STXBP5: variants seen among roughly 807,000 people sequenced by gnomAD.
STXBP5 encodes syntaxin-binding protein 5.
Under a neutral mutation model 152.4 loss-of-function variants are expected in STXBP5, and 50 were observed. The observed-to-expected ratio is 0.33, with a 90% CI of 0.26 to 0.42. The LOEUF is 0.42. STXBP5 is among the 10% of genes least tolerant of loss of function. The pLI is 1.00. For synonymous variants in STXBP5, 492 were observed against 494.7 expected (o/e 0.99, Z 0.07); for missense variants, 1,167 against 1,388.6 (o/e 0.84, Z 2.54).
intron 2 of STXBP5, among the ~76,000 whole-genome samples, chr6:147,211,253 G>T (rs1776834394): frequency 1.3e-5 from 2 of 149,870 alleles, no homozygotes; most frequent in Admixed American, 1.3e-4. Flanking sequence ...AGGTTGCAGT[G>T]AGCCAAGATT....
Position 147,313,896 on chromosome 6 carries a change from T to G in STXBP5, c.1158T>G (p.Phe386Leu). ...TCTGTTGTTAAAGATATCCTATATT[T>G]GAAAATCCCTACCCTTTGAGTATAC... ...IDLAQNGYPI[F>L]ENPYPLSIHE... The change falls in exon 12 of 28, where the codon TTT becomes TTG. Residue 386 changes from phenylalanine (F) to leucine (L), a missense_variant. By Grantham distance (22) the Phe-to-Leu change is conservative. Transcript: ENST00000321680. 1 of 1,544,058 alleles carries G rather than the reference T, an allele frequency of 6.5e-7. No individual in the cohort carries two copies. The highest frequency in any genetic ancestry group is 8.8e-7 in the Non-Finnish European group (1 of 1,132,594).
chr6:147,247,932 A>T (rs999459474), intron 4 of STXBP5, among the ~76,000 whole-genome samples: 3 of 152,200 alleles, frequency 2.0e-5, no homozygotes, highest in Non-Finnish European at 4.4e-5. Flanking sequence ...AAGACATTAA[A>T]AGATTATATG....
intron 1 of STXBP5, among the ~76,000 whole-genome samples, chr6:147,205,058 G>GACATT (rs1776470903): frequency 6.6e-6 from 1 of 152,118 alleles, no homozygotes; most frequent in Non-Finnish European, 1.5e-5. Context: ...GGTGTCTAAT[G>GACATT]AATGTTGTTT....
intron 15 of STXBP5, among the ~76,000 whole-genome samples, chr6:147,315,976 A>G (rs1011409488): frequency 2.2e-4 from 33 of 152,332 alleles, no homozygotes; most frequent in African/African-American, 7.2e-4. Flanking sequence ...GAATATGAGT[A>G]TACTCTAATT....
chr6:147,226,238 G>T (rs1488191545), intron 2 of STXBP5, among the ~76,000 whole-genome samples: 1 of 151,884 alleles, frequency 6.6e-6, no homozygotes, highest in Non-Finnish European at 1.5e-5. Flanking sequence ...AGAAGGTTGA[G>T]GCTGCAGTGA....
At chr6:147,348,647 C>G (rs894810259) in intron 21 of STXBP5, among the ~76,000 whole-genome samples, 6 of 152,084 alleles carry the variant, frequency 3.9e-5, no homozygotes, top group Non-Finnish European at 7.4e-5. Flanking sequence ...TTCAGAGCTC[C>G]TTGGAGTTGG....
intron 2 of STXBP5, among the ~76,000 whole-genome samples, chr6:147,208,914 A>T (rs1299410899): frequency 1.3e-5 from 2 of 152,132 alleles, no homozygotes; most frequent in Non-Finnish European, 2.9e-5. Context: ...AATTAAATGT[A>T]TTTACTACAT....
intron 9 of STXBP5, among the ~76,000 whole-genome samples, chr6:147,309,368 C>G (rs534275485): frequency 6.6e-6 from 1 of 151,796 alleles, no homozygotes; most frequent in East Asian, 1.9e-4. Flanking sequence ...AAGTCAAATG[C>G]GTGGAAATAT....
intron 4 of STXBP5, among the ~76,000 whole-genome samples, chr6:147,252,441 A>G (rs1293572758): frequency 6.6e-6 from 1 of 152,012 alleles, no homozygotes; most frequent in East Asian, 1.9e-4. Flanking sequence ...ATACACAAGT[A>G]TCAGTAGCCA....
At chr6:147,349,044 TAACTC>T (rs540055931) in intron 21 of STXBP5, among the ~76,000 whole-genome samples, 104 of 152,118 alleles carry the variant, frequency 6.8e-4, no homozygotes, top group African/African-American at 2.1e-3. Context: ...TAATTCAAAA[TAACTC>T]AAAGATAAAA....
rs1164939813 is a variant in STXBP5, at chr6:147,388,272, G to C, written c.*3517G>C. The C allele has an allele frequency of 6.6e-6, 1 of 151,602 alleles. No individual in the cohort carries two copies. Among genetic ancestry groups the C allele is most frequent in the Non-Finnish European group, 1.5e-5 (1 of 67,696 alleles). 9.4% of individuals were successfully genotyped at this position (151,602 alleles called of 1,614,324 possible). A position where few individuals can be genotyped will look rare whatever the true frequency, so the allele number is the denominator to read the frequency against. On this transcript the variant is annotated 3_prime_UTR_variant, in exon 28 of 28. Transcript: ENST00000321680. ...CTGCTAGCTGTACCTTAAATAAACT[G>C]ATCAGTTTTAAAACCTTTAATAGGG...
intron 18 of STXBP5, among the ~76,000 whole-genome samples, chr6:147,333,005 A>G (rs551188085): frequency 6.6e-6 from 1 of 152,186 alleles, no homozygotes; most frequent in South Asian, 2.1e-4. Context: ...TAAAATTTCA[A>G]ATTTTACCAT....
chr6:147,341,905 A>T (rs1252965135), intron 21 of STXBP5, among the ~76,000 whole-genome samples: 1 of 152,160 alleles, frequency 6.6e-6, no homozygotes, highest in African/African-American at 2.4e-5. Context: ...TCCACACAAT[A>T]ATCCCAGCGG....
intron 8 of STXBP5, among the ~76,000 whole-genome samples, chr6:147,281,789 T>C (rs1780715037): frequency 6.6e-6 from 1 of 152,216 alleles, no homozygotes. Flanking sequence ...CCTTGAAGAA[T>C]CTGTTCAGAA....
chr6:147,223,426 A>C (rs1777556988), intron 2 of STXBP5, among the ~76,000 whole-genome samples: 1 of 152,212 alleles, frequency 6.6e-6, no homozygotes, highest in Non-Finnish European at 1.5e-5. Context: ...TGAGAGTAGA[A>C]AATTATTAAA....
chr6:147,259,899 G>T (rs1361592401), intron 4 of STXBP5, among the ~76,000 whole-genome samples: 1 of 152,044 alleles, frequency 6.6e-6, no homozygotes, highest in South Asian at 2.1e-4. Context: ...GTCTGCAGTT[G>T]TCAGAATGAT....
intron 25 of STXBP5, among the ~76,000 whole-genome samples, chr6:147,369,461 T>G (rs1785444469): frequency 6.6e-6 from 1 of 151,980 alleles, no homozygotes. Context: ...AAGAACAAAT[T>G]GATAACTTCA....
intron 2 of STXBP5, among the ~76,000 whole-genome samples, chr6:147,227,889 TCTTC>T (rs1229109547): frequency 6.6e-6 from 1 of 152,168 alleles, no homozygotes; most frequent in Non-Finnish European, 1.5e-5. Flanking sequence ...CAGCTGCTTT[TCTTC>T]CTTCTCCCCC....
At chr6:147,243,208 A>G (rs1274574475) in intron 4 of STXBP5, among the ~76,000 whole-genome samples, 2 of 152,166 alleles carry the variant, frequency 1.3e-5, no homozygotes, top group Non-Finnish European at 2.9e-5. Flanking sequence ...TCCCACTAGC[A>G]TTGAATAAGA....
Sources: gnomAD v4.1 joint callset for allele counts (sites outside exome capture counted in the v4.1 genomes callset) on GRCh38, gnomAD v4.1.1 for gene constraint, MANE v1.5 for transcripts, NCBI Gene and HGNC (gene_info 2026-07-23, HGNC 2026-07-21) for gene names.